Variants in DDX60L observed in about 807,000 individuals in gnomAD.
The protein encoded by DDX60L is probable ATP-dependent RNA helicase DDX60-like.
DDX60L carries 191 observed loss-of-function variants against 211.6 expected under a neutral mutation model. The observed-to-expected ratio is 0.90, with a 90% CI of 0.80 to 1.02. The LOEUF (loss-of-function observed/expected upper bound fraction) is 1.02, where lower values mean the gene tolerates loss of function less well. Ranked by LOEUF, DDX60L falls within the 50% of genes least tolerant of loss-of-function variation. The probability of loss-of-function intolerance (pLI) is 0.00; values close to 1 mark genes in which losing one functional copy is unlikely to be tolerated. For synonymous variants in DDX60L, 706 were observed against 694.1 expected, an observed-to-expected ratio of 1.02 and a Z score of -0.27; for missense variants, 2,007 against 1,984.1, an observed-to-expected ratio of 1.01 and a Z score of -0.22.
At chr4:168,462,069 C>T (rs762171135) in intron 4 of DDX60L, 29 bp from the exon 5 acceptor site, 156 of 1,466,720 alleles carry the variant, frequency 1.1e-4, no homozygotes, top group Middle Eastern at 1.8e-4. Context: ...ACAAGCACAT[C>T]ATTTTCAAAT....
intron 6 of DDX60L, among the ~76,000 whole-genome samples, chr4:168,456,660 T>C (rs542236260): frequency 2.0e-3 from 297 of 152,256 alleles, no homozygotes; most frequent in Non-Finnish European, 3.4e-3. Context: ...TCCATCAGGA[T>C]CATTAAATAT....
intron 12 of DDX60L, among the ~76,000 whole-genome samples, chr4:168,431,180 T>G (rs1233249318): frequency 6.6e-6 from 1 of 152,144 alleles, no homozygotes; most frequent in Non-Finnish European, 1.5e-5. Context: ...AGCTTACAGC[T>G]GACAGATGCT....
chr4:168,429,872 C>T (rs1424741434), intron 13 of DDX60L, among the ~76,000 whole-genome samples: 1 of 152,166 alleles, frequency 6.6e-6, no homozygotes, highest in Non-Finnish European at 1.5e-5. Flanking sequence ...ATGTGAAGTG[C>T]CATCTCCCCC....
chr4:168,445,528 A>C (rs1754640219), intron 9 of DDX60L, among the ~76,000 whole-genome samples: 1 of 152,192 alleles, frequency 6.6e-6, no homozygotes, highest in East Asian at 1.9e-4. Context: ...AACTCATTTT[A>C]TGAGGCCAGC....
At chr4:168,369,819 G>A (rs1320094821) in intron 36 of DDX60L, among the ~76,000 whole-genome samples, 1 of 152,086 alleles carries the variant, frequency 6.6e-6, no homozygotes, top group African/African-American at 2.4e-5. Context: ...ATGAAAAAAT[G>A]TTCACTATCA....
At chr4:168,392,397 A>G (rs1350469243) in intron 28 of DDX60L, among the ~76,000 whole-genome samples, 1 of 152,216 alleles carries the variant, frequency 6.6e-6, no homozygotes, top group African/African-American at 2.4e-5. Context: ...ATTTAATGAT[A>G]AAGAGTGAGC....
chr4:168,395,064 G>T (rs1044287146), intron 27 of DDX60L, among the ~76,000 whole-genome samples: 17 of 152,192 alleles, frequency 1.1e-4, no homozygotes, highest in Admixed American at 2.6e-4. Flanking sequence ...CCTTAAAAAT[G>T]TCCATACCCT....
intron 4 of DDX60L, among the ~76,000 whole-genome samples, chr4:168,464,175 G>A (rs1162553836): frequency 6.6e-6 from 1 of 152,092 alleles, no homozygotes; most frequent in East Asian, 1.9e-4. Flanking sequence ...CTGACTTAAT[G>A]ACATTTCTAG....
Position 168,406,080 on chromosome 4 carries a change from T to G in DDX60L, c.3085-2A>C. On this transcript the variant is annotated splice_acceptor_variant, in intron 23 of 37. Coordinates refer to ENST00000682922, the MANE Select transcript of DDX60L (RefSeq NM_001012967.3). LOFTEE classifies it high-confidence loss of function. ...AATGAATTCCTCTGGACACAATTCC[T>G]TGGGGGGAAAATTATCACAAAATTA... The G allele has an allele frequency of 6.3e-7, 1 of 1,587,566 alleles. No homozygotes were observed. Among genetic ancestry groups the G allele is most frequent in the Non-Finnish European group, 8.5e-7 (1 of 1,171,474 alleles).
At position 168,394,628 on chromosome 4, in the gene DDX60L, A is replaced by C. The variant is rs779536944; in HGVS notation, c.3658-11T>G. The C allele has an allele frequency of 6.3e-7, 1 of 1,581,228 alleles. No homozygotes were observed. The highest frequency in any genetic ancestry group is 2.0e-5 in the Admixed American group (1 of 50,666). ...TACCCTCTCCAAAGTCTAAAACAAG[A>C]AAGAAGTGTAAAACAATTGATGATG... is the stretch of plus-strand genomic sequence containing the variant. On this transcript the variant is annotated splice_polypyrimidine_tract_variant and intron_variant, in intron 27 of 37. Coordinates refer to ENST00000682922, the MANE Select transcript of DDX60L (RefSeq NM_001012967.3).
intron 24 of DDX60L, among the ~76,000 whole-genome samples, chr4:168,405,657 A>G (rs1038658617): frequency 1.3e-5 from 2 of 152,208 alleles, no homozygotes; most frequent in Non-Finnish European, 2.9e-5. Flanking sequence ...AGCCTCGGCA[A>G]CATTGGTTCT....
At chr4:168,446,604 G>C (rs1457002625) in intron 9 of DDX60L, among the ~76,000 whole-genome samples, 1 of 151,980 alleles carries the variant, frequency 6.6e-6, no homozygotes, top group Non-Finnish European at 1.5e-5. Flanking sequence ...CAAAGCTGGA[G>C]GCATCACACT....
chr4:168,399,723 G>A (rs999862452), intron 26 of DDX60L, among the ~76,000 whole-genome samples: 3 of 152,112 alleles, frequency 2.0e-5, no homozygotes, highest in Admixed American at 2.0e-4. Context: ...GGCAAGGAGA[G>A]AAGAAATATT....
intron 14 of DDX60L, among the ~76,000 whole-genome samples, chr4:168,426,601 C>T (rs1188580349): frequency 6.6e-6 from 1 of 152,204 alleles, no homozygotes; most frequent in Non-Finnish European, 1.5e-5. Context: ...ACTATACAAA[C>T]ACACTTAAAA....
At chr4:168,399,523 G>A (rs571205527) in intron 26 of DDX60L, among the ~76,000 whole-genome samples, 7 of 152,120 alleles carry the variant, frequency 4.6e-5, no homozygotes, top group African/African-American at 7.2e-5. Flanking sequence ...AGAGGTTTCC[G>A]GCCAGAAAAG....
intron 1 of DDX60L, among the ~76,000 whole-genome samples, chr4:168,479,942 C>T (rs1487505949): frequency 2.0e-5 from 3 of 147,438 alleles, no homozygotes; most frequent in Non-Finnish European, 1.5e-5. Context: ...AGAGATAACG[C>T]CACTGCACTC....
At chr4:168,463,858 A>C (rs948708141) in intron 4 of DDX60L, among the ~76,000 whole-genome samples, 25 of 152,188 alleles carry the variant, frequency 1.6e-4, no homozygotes, top group African/African-American at 6.0e-4. Flanking sequence ...TTGGGTTGAG[A>C]TTTGTTACAA....
chr4:168,422,557 G>A lies in DDX60L; in HGVS notation c.2211C>T (p.Pro737=), dbSNP rs779695484. The A allele has an allele frequency of 1.2e-6, 2 of 1,612,814 alleles. No homozygotes were observed. The highest frequency in any genetic ancestry group is 2.7e-5 in the African/African-American group (2 of 74,878). Residue 737 remains proline (P), a synonymous_variant, in exon 16 of 38, where the codon CCC becomes CCT. Transcript: ENST00000682922. ...LIRDERKDRD[P]RVQDFIPNAW... is the part of the protein sequence containing the mutation. Reference sequence around the variant, plus strand: ...CGTTGGGAATAAAATCCTGGACCCTGGGATCCCGATCTTTTCTTTCATCTC... The same window carrying A: ...CGTTGGGAATAAAATCCTGGACCCTAGGATCCCGATCTTTTCTTTCATCTC...
At chr4:168,394,362 G>T in intron 28 of DDX60L, 103 bp downstream of exon 28, 1 of 826,006 alleles carries the variant, frequency 1.2e-6, no homozygotes, top group Non-Finnish European at 1.8e-6. Context: ...AAAAGACACT[G>T]GTTAGATGAG....
Sources: allele counts gnomAD v4.1 joint callset (sites outside exome capture counted in the v4.1 genomes callset), GRCh38; gene constraint gnomAD v4.1.1; transcripts MANE v1.5; gene names NCBI Gene and HGNC (gene_info 2026-07-23, HGNC 2026-07-21).